The following GRM1 variants were observed in gnomAD, a reference collection of about 807,000 sequenced individuals.
The protein encoded by GRM1 is metabotropic glutamate receptor 1.
Under a neutral mutation model 90.9 loss-of-function variants are expected in GRM1, and 33 were observed. The ratio of observed to expected loss-of-function variants is 0.36; its 90% CI spans 0.28 to 0.49. The LOEUF (loss-of-function observed/expected upper bound fraction) is 0.49. Among genes scored for constraint, GRM1 ranks in the 20% least tolerant of loss-of-function variants. GRM1 has a pLI of 0.99. For missense variants in GRM1, 1,190 were observed against 1,534.3 expected (o/e 0.78, Z 3.75); for synonymous variants, 700 against 613.2 (o/e 1.14, Z -2.09).
chr6:146,035,678 C>G (rs10214451), intron 1 of GRM1, among the ~76,000 whole-genome samples: 2,234 of 151,914 alleles, frequency 0.015, 42 homozygotes, highest in African/African-American at 0.05. Context: ...TTACCTTGCG[C>G]TGGAATATGG....
At chr6:146,204,554 T>G (rs1461919110) in intron 2 of GRM1, among the ~76,000 whole-genome samples, 3 of 152,196 alleles carry the variant, frequency 2.0e-5, no homozygotes, top group Non-Finnish European at 2.9e-5. Flanking sequence ...ATCACATTTA[T>G]AGATGGGCCT....
chr6:146,362,293 C>T lies in GRM1; in HGVS notation c.1602+4599C>T, dbSNP rs362905. Among the ~76,000 whole-genome samples, 1,508 of 152,278 alleles carry T rather than the reference C, an allele frequency of 9.9e-3. 20 individuals are homozygous for T. Among genetic ancestry groups the T allele is most frequent in the African/African-American group, 0.035 (1,435 of 41,538 alleles). On this transcript the variant is annotated intron_variant, in intron 5 of 7. Coordinates refer to ENST00000282753, the MANE Select transcript of GRM1 (RefSeq NM_001278064.2). ...CTCCTCATTTACACATGCCCTATTGCTGTAAAGTGGCACCTTATTTATATA... is the reference window on the plus strand; with the variant it reads ...CTCCTCATTTACACATGCCCTATTGTTGTAAAGTGGCACCTTATTTATATA...
intron 2 of GRM1, among the ~76,000 whole-genome samples, chr6:146,230,871 G>A (rs952953882): frequency 6.6e-6 from 1 of 152,062 alleles, no homozygotes; most frequent in African/African-American, 2.4e-5. Context: ...TGAAGGAAAC[G>A]TAAGTGCATA....
intron 7 of GRM1, among the ~76,000 whole-genome samples, chr6:146,433,016 C>CAATA: frequency 6.6e-6 from 1 of 152,154 alleles, no homozygotes; most frequent in East Asian, 1.9e-4. Flanking sequence ...TGCTTTGTCT[C>CAATA]AATCATAATT....
intron 2 of GRM1, among the ~76,000 whole-genome samples, chr6:146,176,499 C>T (rs1778341919): frequency 1.3e-5 from 2 of 152,008 alleles, no homozygotes; most frequent in Admixed American, 6.6e-5. Flanking sequence ...GAGATCTTAA[C>T]ATACTAAAAT....
At chr6:146,202,702 A>G (rs1313806556) in intron 2 of GRM1, among the ~76,000 whole-genome samples, 1 of 152,170 alleles carries the variant, frequency 6.6e-6, no homozygotes, top group Non-Finnish European at 1.5e-5. Flanking sequence ...CTCACTGGTC[A>G]GCTGTGTGAT....
At chr6:146,246,280 C>T (rs773440059) in intron 2 of GRM1, among the ~76,000 whole-genome samples, 19 of 152,144 alleles carry the variant, frequency 1.2e-4, no homozygotes, top group Non-Finnish European at 2.6e-4. Context: ...GACCAGAGTA[C>T]TTTGCTGTAG....
intron 2 of GRM1, among the ~76,000 whole-genome samples, chr6:146,203,471 T>A (rs1018059032): frequency 6.6e-6 from 1 of 152,164 alleles, no homozygotes; most frequent in Non-Finnish European, 1.5e-5. Context: ...TCTCTTTCTC[T>A]TAGATTCATC....
chr6:146,184,340 T>C (rs181791654), intron 2 of GRM1, among the ~76,000 whole-genome samples: 412 of 152,268 alleles, frequency 2.7e-3, no homozygotes, highest in African/African-American at 9.0e-3. Flanking sequence ...TATTTTTGCT[T>C]GATTGGAAAC....
intron 1 of GRM1, among the ~76,000 whole-genome samples, chr6:146,115,965 A>G (rs1775730020): frequency 6.6e-6 from 1 of 152,046 alleles, no homozygotes. Context: ...TAGTAGATAT[A>G]TTTGTTTCAT....
rs565339332 is a variant in GRM1 at position 146,333,070 on chromosome 6, G to A, written c.1187-19180G>A. Among the ~76,000 whole-genome samples the A allele has an allele frequency of 2.0e-5, 3 of 152,256 alleles. No individual in the cohort carries two copies. In the South Asian group the frequency reaches 6.2e-4, roughly 32 times the overall value. ...TTGATAACTATGCTTCATTACACTT[G>A]AATACTTGTCTGTGAATATTATATG... On this transcript the variant is annotated intron_variant, in intron 3 of 7. Transcript: ENST00000282753.
chr6:146,397,076 G>C (rs1410790584), intron 6 of GRM1, among the ~76,000 whole-genome samples: 2 of 152,250 alleles, frequency 1.3e-5, no homozygotes, highest in African/African-American at 4.8e-5. Context: ...TGACCCTGTT[G>C]ATCAGAGCAT....
At chr6:146,247,848 A>G (rs1043472986) in intron 2 of GRM1, among the ~76,000 whole-genome samples, 1 of 148,150 alleles carries the variant, frequency 6.7e-6, no homozygotes, top group Non-Finnish European at 1.5e-5. Flanking sequence ...TAATATAACC[A>G]TGTAACAATA....
rs143309459 is a variant in GRM1, at chr6:146,270,837, G to T, written c.951-33774G>T. On this transcript the variant is annotated intron_variant, in intron 2 of 7. Transcript: ENST00000282753. ...TTTCTGTCTGCCTGCCTGCCTGCCT[G>T]CCTTTCTTTCTTTTTCTTTCTTTCT... Among the ~76,000 whole-genome samples the T allele has an allele frequency of 2.6e-3, 333 of 129,942 alleles. 5 individuals carry two copies. The highest frequency in any genetic ancestry group is 6.9e-3 in the African/African-American group (188 of 27,330). The allele number at this position is 129,942 out of a possible 152,430, so 85.2% of individuals were successfully genotyped here.
At chr6:146,123,168 T>C (rs983995339) in intron 1 of GRM1, among the ~76,000 whole-genome samples, 1 of 152,114 alleles carries the variant, frequency 6.6e-6, no homozygotes, top group Non-Finnish European at 1.5e-5. Context: ...TAACCTTGTT[T>C]CCTCAGATAT....
intron 1 of GRM1, among the ~76,000 whole-genome samples, chr6:146,125,530 A>G: frequency 7.0e-6 from 1 of 141,908 alleles, no homozygotes. Context: ...CTTTCCTCCC[A>G]TTATTTTTTA....
rs369690922 is a variant in GRM1, at chr6:146,090,636, A to G, written c.700+60419A>G. Among the ~76,000 whole-genome samples the G allele has an allele frequency of 3.8e-4, 58 of 152,190 alleles. No homozygotes were observed. The South Asian group carries it at 6.6e-3, about 17-fold the overall frequency. On this transcript the variant is annotated intron_variant, in intron 1 of 7. Coordinates refer to ENST00000282753, the MANE Select transcript of GRM1 (RefSeq NM_001278064.2). ...TAGCTGTGCCAGCATGAGTCAGGGC[A>G]AGTTCAGCCACAGAAAACCACACAG...
At chr6:146,164,537 G>T (rs779855910) in intron 2 of GRM1, among the ~76,000 whole-genome samples, 1 of 152,084 alleles carries the variant, frequency 6.6e-6, no homozygotes, top group Non-Finnish European at 1.5e-5. Context: ...ATTTTACCTA[G>T]TTTGGTAAGG....
intron 4 of GRM1, 138 bp from the exon 5 acceptor site, chr6:146,357,384 GAAAT>G: frequency 1.4e-6 from 1 of 699,390 alleles, no homozygotes. Flanking sequence ...GGAAACATAA[GAAAT>G]AAGCTAAAAT....
Sources: gnomAD v4.1 joint callset for allele counts (sites outside exome capture counted in the v4.1 genomes callset) on GRCh38, gnomAD v4.1.1 for gene constraint, MANE v1.5 for transcripts, NCBI Gene and HGNC (gene_info 2026-07-23, HGNC 2026-07-21) for gene names.